Variants in CUX2 observed in about 807,000 individuals in gnomAD.
The protein encoded by CUX2 is homeobox protein cut-like 2.
Under a neutral mutation model 144.8 loss-of-function variants are expected in CUX2, and 40 were observed. The observed-to-expected ratio is 0.28, with a 90% confidence interval of 0.21 to 0.36. The LOEUF is 0.36. Ranked by LOEUF, CUX2 falls within the 10% of genes least tolerant of loss-of-function variation. The pLI is 1.00. For missense variants in CUX2, 1,615 were observed against 1,994.0 expected, an observed-to-expected ratio of 0.81 and a Z score of 3.62; for synonymous variants, 827 against 875.6, an observed-to-expected ratio of 0.94 and a Z score of 0.98.
chr12:111,338,328 G>A lies in CUX2; in HGVS notation c.3239G>A (p.Gly1080Asp). ...FGESILGLTQGSVSDLLSRPK... is the reference protein window; with the variant it reads ...FGESILGLTQDSVSDLLSRPK... ...GAAAGCATCCTGGGTCTGACACAGG[G>A]CTCCGTGTCTGACCTGCTGTCCCGG... is the stretch of plus-strand genomic sequence containing the variant. Residue 1080 changes from glycine (G) to aspartate (D), a missense_variant, in exon 20 of 22, where the codon GGC (glycine) becomes GAC (aspartate). Gly to Asp is a moderately conservative substitution (Grantham distance 94, BLOSUM62 -1). Coordinates refer to ENST00000261726, the MANE Select transcript of CUX2 (RefSeq NM_015267.4). 6.2e-7 allele frequency: 1 copy of A among 1,613,710 alleles called. No individual in the cohort carries two copies. Among genetic ancestry groups the A allele is most frequent in the East Asian group, 2.2e-5 (1 of 44,876 alleles).
Position 111,285,716 on chromosome 12 carries a change from C to T in CUX2, c.302-5702C>T, listed in dbSNP as rs527833930. Among the ~76,000 whole-genome samples, 191 of 152,322 alleles carry T rather than the reference C, an allele frequency of 1.3e-3. 1 individual carries two copies. The highest frequency in any genetic ancestry group is 4.3e-3 in the African/African-American group (180 of 41,572). ...GCCTCCATTTTTCCGTGTGGGAAATCGGGATCCAGCAGTGCCTGCCTCCGT... is the reference window on the plus strand; with the variant it reads ...GCCTCCATTTTTCCGTGTGGGAAATTGGGATCCAGCAGTGCCTGCCTCCGT... On this transcript the variant is annotated intron_variant, in intron 4 of 21. Coordinates refer to ENST00000261726, the MANE Select transcript of CUX2 (RefSeq NM_015267.4).
At chr12:111,276,273 G>A (rs1476384118) in intron 4 of CUX2, among the ~76,000 whole-genome samples, 1 of 152,152 alleles carries the variant, frequency 6.6e-6, no homozygotes, top group Non-Finnish European at 1.5e-5. Flanking sequence ...AGGATCACAT[G>A]AGCCCAAGGG....
intron 1 of CUX2, among the ~76,000 whole-genome samples, chr12:111,126,290 G>A (rs1410769831): frequency 6.6e-6 from 1 of 152,030 alleles, no homozygotes; most frequent in Non-Finnish European, 1.5e-5. Context: ...TATATTTTCA[G>A]TAGAGACGGG....
intron 4 of CUX2, among the ~76,000 whole-genome samples, chr12:111,281,829 T>G (rs1287132349): frequency 1.3e-5 from 2 of 152,096 alleles, no homozygotes; most frequent in Admixed American, 6.5e-5. Flanking sequence ...AGGGATTTAT[T>G]AGGGGAAGGC....
intron 1 of CUX2, among the ~76,000 whole-genome samples, chr12:111,080,942 G>A (rs780365061): frequency 4.7e-4 from 71 of 152,332 alleles, no homozygotes; most frequent in South Asian, 3.5e-3. Flanking sequence ...TGGAGACGCT[G>A]CTGATAATAG....
intron 4 of CUX2, among the ~76,000 whole-genome samples, chr12:111,288,990 G>A (rs1052613338): frequency 4.0e-5 from 6 of 151,882 alleles, no homozygotes; most frequent in African/African-American, 9.7e-5. Context: ...AGGCGTGGTC[G>A]CACACACCTG....
intron 3 of CUX2, among the ~76,000 whole-genome samples, chr12:111,223,196 G>A (rs1356719624): frequency 6.6e-6 from 1 of 152,082 alleles, no homozygotes; most frequent in East Asian, 1.9e-4. Flanking sequence ...CACCATCCCT[G>A]CCCTCAAGGA....
chr12:111,293,393 C>T lies in CUX2; in HGVS notation c.437-53C>T. 1 of 1,560,888 alleles carries T rather than the reference C, an allele frequency of 6.4e-7. No homozygotes were observed. Among genetic ancestry groups the T allele is most frequent in the Non-Finnish European group, 8.7e-7 (1 of 1,154,460 alleles). ...TCCGGTTTACAGAAAGCGGCTCTGG[C>T]TGCCACGTTGCTCTCTTGGCAATGG... is the stretch of plus-strand genomic sequence containing the variant. On this transcript the variant is annotated intron_variant, in intron 5 of 21. Coordinates refer to ENST00000261726, the MANE Select transcript of CUX2 (RefSeq NM_015267.4). This position sits in a 1 kb window ranked among gnomAD's most constrained non-coding sequence, Gnocchi z 4.5.
At chr12:111,300,067 T>C (rs1886215558) in intron 9 of CUX2, among the ~76,000 whole-genome samples, 1 of 152,182 alleles carries the variant, frequency 6.6e-6, no homozygotes, top group Admixed American at 6.5e-5. Context: ...TTTGTATTTT[T>C]TTGTAGAGAT....
At chr12:111,088,738 C>A (rs775355191) in intron 1 of CUX2, among the ~76,000 whole-genome samples, 1 of 152,146 alleles carries the variant, frequency 6.6e-6, no homozygotes, top group Non-Finnish European at 1.5e-5. Context: ...AGGCCCTGAG[C>A]CCTTAGTTCT....
chr12:111,123,082 C>G (rs1334203439), intron 1 of CUX2, among the ~76,000 whole-genome samples: 4 of 152,212 alleles, frequency 2.6e-5, no homozygotes, highest in East Asian at 1.9e-4. Context: ...GCCCCAGGAG[C>G]CTTCCGTGTC....
At chr12:111,208,034 AAGG>A (rs1881015601) in intron 1 of CUX2, among the ~76,000 whole-genome samples, 1 of 152,240 alleles carries the variant, frequency 6.6e-6, no homozygotes, top group South Asian at 2.1e-4. Context: ...GGAAGGAAAC[AAGG>A]AGAAGGGGAA....
intron 4 of CUX2, among the ~76,000 whole-genome samples, chr12:111,276,514 CCT>C (rs1884878925): frequency 6.6e-6 from 1 of 152,202 alleles, no homozygotes; most frequent in Non-Finnish European, 1.5e-5. Context: ...TTCAAATCCA[CCT>C]CTGACTTTTT....
rs954472479 is a variant in CUX2 at position 111,314,639 on chromosome 12, TAAAAAAAAAAAAAAA to T, written c.2002+2453_2002+2467del. Among the ~76,000 whole-genome samples the T allele has an allele frequency of 5.6e-4, 13 of 23,238 alleles. 1 individual carries two copies. Among genetic ancestry groups the T allele is most frequent in the South Asian group, 5.4e-3 (3 of 554 alleles). The allele number at this position is 23,238 out of a possible 152,430, so 15.2% of individuals were successfully genotyped here. ...TGCGCAACAAGAGCAAAACTCAGTCTAAAAAAAAAAAAAAAAAAAAAAAAAAAAACCCCATCTCCT... is the reference window on the plus strand; with the variant it reads ...TGCGCAACAAGAGCAAAACTCAGTCTAAAAAAAAAAAAAACCCCATCTCCT... On this transcript the variant is annotated intron_variant, in intron 16 of 21. Coordinates refer to ENST00000261726, the MANE Select transcript of CUX2 (RefSeq NM_015267.4).
intron 1 of CUX2, among the ~76,000 whole-genome samples, chr12:111,196,578 G>T (rs747859198): frequency 6.6e-6 from 1 of 152,134 alleles, no homozygotes; most frequent in Non-Finnish European, 1.5e-5. Context: ...TTGAAGAAAT[G>T]AATGGCAGGT....
At position 111,061,079 on chromosome 12, in the gene CUX2, A is replaced by G. The variant is rs941385757; in HGVS notation, c.63+26839A>G. On this transcript the variant is annotated intron_variant, in intron 1 of 21. Transcript: ENST00000261726. This position sits in a 1 kb window ranked among gnomAD's most constrained non-coding sequence, Gnocchi z 4.2. ...CTCCCCCGCTTCCTTGGGGCTGTTC[A>G]TGGGAGGCCTCCCCTCATGGCTGTG... 1.3e-5 allele frequency among the ~76,000 whole-genome samples: 2 copies of G among 151,166 alleles called. No individual in the cohort carries two copies. The highest frequency in any genetic ancestry group is 4.9e-5 in the African/African-American group (2 of 40,674).
intron 1 of CUX2, among the ~76,000 whole-genome samples, chr12:111,185,456 G>A (rs1189621061): frequency 6.6e-6 from 1 of 152,234 alleles, no homozygotes; most frequent in African/African-American, 2.4e-5. Flanking sequence ...CCAGAGCAGG[G>A]ACAGGTGTCG....
Position 111,322,341 on chromosome 12 carries a change from A to G in CUX2, c.2767-80A>G. ...TGCCTCAAAAAAAAAAAAAAAAAAA[A>G]AAAGGTTGGGGAGGAGAGTGAGGGC... On this transcript the variant is annotated intron_variant, in intron 17 of 21. Transcript: ENST00000261726. The surrounding 1 kb of genome is among the most constrained non-coding windows in gnomAD (Gnocchi z 4.2). 1 of 1,272,896 alleles carries G rather than the reference A, an allele frequency of 7.9e-7. No homozygotes were observed. The highest frequency in any genetic ancestry group is 1.0e-6 in the Non-Finnish European group (1 of 973,942). 78.9% of individuals were successfully genotyped at this position (1,272,896 alleles called of 1,614,324 possible).
intron 18 of CUX2, among the ~76,000 whole-genome samples, chr12:111,330,708 T>TACACAC (rs1376918595): frequency 0.015 from 328 of 22,366 alleles, 31 homozygotes; most frequent in African/African-American, 0.05. Flanking sequence ...TATATATATA[T>TACACAC]ATATATATAT....
Sources: allele counts gnomAD v4.1 joint callset (sites outside exome capture counted in the v4.1 genomes callset), GRCh38; gene constraint gnomAD v4.1.1; non-coding constraint Gnocchi (gnomAD v3.1); transcripts MANE v1.5; gene names NCBI Gene and HGNC (gene_info 2026-07-23, HGNC 2026-07-21).